Variants in PLA2G4A observed in about 807,000 individuals in gnomAD.
PLA2G4A encodes phospholipase A2 group IVA, also known as cytosolic phospholipase A2.
A neutral mutation model predicts 81.9 loss-of-function variants in PLA2G4A; 40 were observed. That is an observed-to-expected ratio of 0.49 (90% CI 0.38 to 0.64). PLA2G4A has a LOEUF of 0.64. Among genes scored for constraint, PLA2G4A ranks in the 30% least tolerant of loss-of-function variants. PLA2G4A has a pLI of 0.00. For missense variants in PLA2G4A, 715 were observed against 905.1 expected (o/e 0.79, Z 2.69); for synonymous variants, 302 against 296.9 (o/e 1.02, Z -0.18).
chr1:186,984,260 G>A lies in PLA2G4A; in HGVS notation c.2119-4117G>A, dbSNP rs776788510. Among the ~76,000 whole-genome samples the A allele has an allele frequency of 5.3e-5, 8 of 152,216 alleles. No homozygotes were observed. In the South Asian group the frequency reaches 6.2e-4, roughly 12 times the overall value. ...TTGTATATAGTACATGCCTGCCCAC[G>A]TAGTATGGCTGCATACTCTATCTAC... On this transcript the variant is annotated intron_variant, in intron 17 of 17. Transcript: ENST00000367466.
intron 17 of PLA2G4A, among the ~76,000 whole-genome samples, chr1:186,987,072 G>A (rs907312627): frequency 2.0e-5 from 3 of 152,232 alleles, no homozygotes; most frequent in Non-Finnish European, 2.9e-5. Flanking sequence ...ATCTGACTGC[G>A]TTTTTAAAGT....
intron 8 of PLA2G4A, among the ~76,000 whole-genome samples, chr1:186,934,267 T>TG (rs1377498775): frequency 1.3e-5 from 2 of 152,054 alleles, no homozygotes; most frequent in East Asian, 3.9e-4. Flanking sequence ...CTTAAACTCA[T>TG]CTAATAAAGC....
Position 186,871,342 on chromosome 1 carries a change from A to G in PLA2G4A, c.115+826A>G, listed in dbSNP as rs565954506. 5.3e-5 allele frequency among the ~76,000 whole-genome samples: 8 copies of G among 152,318 alleles called. No individual in the cohort carries two copies. In the East Asian group the frequency reaches 1.4e-3, roughly 26 times the overall value. ...CAAATAACAATGGATACAACAAAGT[A>G]TTATGATGATGAATTTGATAACATC... On this transcript the variant is annotated intron_variant, in intron 3 of 17. Coordinates refer to ENST00000367466, the MANE Select transcript of PLA2G4A (RefSeq NM_024420.3).
In PLA2G4A at chr1:186,939,126, G is replaced by A; in HGVS notation, c.814G>A (p.Val272Ile). The change falls in exon 9 of 18, where the codon GTT (valine) becomes ATT (isoleucine). Residue 272 changes from valine (V) to isoleucine (I), a missense_variant. Transcript: ENST00000367466. ...NPLLLLTPQK[V>I]KRYVESLWKK... ...CCTTTTACTTCTCACACCACAGAAA[G>A]TTAAAAGATATGTTGAGTCTTTATG... The A allele has an allele frequency of 1.2e-6, 2 of 1,608,342 alleles. No homozygotes were observed. Among genetic ancestry groups the A allele is most frequent in the Non-Finnish European group, 1.7e-6 (2 of 1,174,968 alleles).
chr1:186,861,787 T>G (rs954363095), intron 2 of PLA2G4A, among the ~76,000 whole-genome samples: 5 of 152,116 alleles, frequency 3.3e-5, no homozygotes, highest in Admixed American at 1.3e-4. Context: ...TTGGCCAGAC[T>G]GTTGGTTCTT....
chr1:186,923,904 C>T (rs1011182905), intron 7 of PLA2G4A, among the ~76,000 whole-genome samples: 1 of 152,210 alleles, frequency 6.6e-6, no homozygotes, highest in Non-Finnish European at 1.5e-5. Flanking sequence ...ATAGACTTGT[C>T]TCCTAATGAT....
Position 186,970,283 on chromosome 1 carries a change from C to T in PLA2G4A, c.1764+4690C>T, listed in dbSNP as rs146440609. On this transcript the variant is annotated intron_variant, in intron 15 of 17. Coordinates refer to ENST00000367466, the MANE Select transcript of PLA2G4A (RefSeq NM_024420.3). Reference sequence around the variant, plus strand: ...TGTTTTTCCTATTGAGTTGTTTGAGCTTCTTATATATTCTGTGTATTAATC... The same window carrying T: ...TGTTTTTCCTATTGAGTTGTTTGAGTTTCTTATATATTCTGTGTATTAATC... 5.4e-4 allele frequency among the ~76,000 whole-genome samples: 82 copies of T among 151,900 alleles called. No individual in the cohort carries two copies. The East Asian group carries it at 0.015, about 27-fold the overall frequency.
intron 7 of PLA2G4A, among the ~76,000 whole-genome samples, chr1:186,922,029 C>T (rs2102180679): frequency 6.6e-6 from 1 of 152,208 alleles, no homozygotes; most frequent in South Asian, 2.1e-4. Context: ...TTTAAGTTTT[C>T]CTGTTGTTAT....
chr1:186,881,547 A>G (rs1465033314), intron 3 of PLA2G4A, among the ~76,000 whole-genome samples: 2 of 152,084 alleles, frequency 1.3e-5, no homozygotes, highest in Non-Finnish European at 2.9e-5. Flanking sequence ...TTCTGGAGGG[A>G]GCAGGGGCTG....
chr1:186,832,508 A>G (rs1300671197), intron 1 of PLA2G4A, among the ~76,000 whole-genome samples: 9 of 152,168 alleles, frequency 5.9e-5, no homozygotes, highest in Non-Finnish European at 1.2e-4. Context: ...TTTATGAGCA[A>G]TATAAAAGAG....
At chr1:186,908,114 A>G (rs1165445488) in intron 6 of PLA2G4A, among the ~76,000 whole-genome samples, 1 of 152,104 alleles carries the variant, frequency 6.6e-6, no homozygotes, top group Non-Finnish European at 1.5e-5. Flanking sequence ...CAATTTATTC[A>G]AAGAAAAATT....
Position 186,852,440 on chromosome 1 carries a change from A to G in PLA2G4A, c.-69-1846A>G, listed in dbSNP as rs141223520. Among the ~76,000 whole-genome samples, 510 of 152,198 alleles carry G rather than the reference A, an allele frequency of 3.4e-3. 2 individuals carry two copies. Among genetic ancestry groups the G allele is most frequent in the African/African-American group, 0.012 (493 of 41,562 alleles). On this transcript the variant is annotated intron_variant, in intron 1 of 17. Transcript: ENST00000367466. Reference sequence around the variant, plus strand: ...TTAGTCTGTTTCATGCTGCTATAACAGAATGTGACCCACTGGGTAATTAAT... The same window carrying G: ...TTAGTCTGTTTCATGCTGCTATAACGGAATGTGACCCACTGGGTAATTAAT...
intron 5 of PLA2G4A, among the ~76,000 whole-genome samples, chr1:186,904,165 C>T (rs1038493968): frequency 3.3e-5 from 5 of 152,048 alleles, no homozygotes; most frequent in African/African-American, 9.7e-5. Context: ...AATTGCTTTC[C>T]GCTGGGGAAT....
chr1:186,988,754 G>A lies in PLA2G4A; in HGVS notation c.*246G>A. On this transcript the variant is annotated 3_prime_UTR_variant, in exon 18 of 18. Transcript: ENST00000367466. ...GTATGAACTTCCTGATACAAATGTAGGGATATATACTGTATTTTTAAACAT... is the reference window on the plus strand; with the variant it reads ...GTATGAACTTCCTGATACAAATGTAAGGATATATACTGTATTTTTAAACAT... The A allele has an allele frequency of 2.6e-6, 1 of 381,450 alleles. No homozygotes were observed. 23.6% of individuals were successfully genotyped at this position (381,450 alleles called of 1,614,324 possible).
chr1:186,863,672 A>G (rs1457227950), intron 2 of PLA2G4A, among the ~76,000 whole-genome samples: 8 of 151,896 alleles, frequency 5.3e-5, no homozygotes, highest in Non-Finnish European at 8.8e-5. Flanking sequence ...GGTAACCACT[A>G]TCTTACTCTC....
chr1:186,874,901 A>G (rs1653412043), intron 3 of PLA2G4A, among the ~76,000 whole-genome samples: 1 of 152,076 alleles, frequency 6.6e-6, no homozygotes. Flanking sequence ...TCTGTTTCTG[A>G]TAACTTCCTG....
chr1:186,864,672 T>TA (rs1553270035), intron 2 of PLA2G4A, among the ~76,000 whole-genome samples: 3 of 150,834 alleles, frequency 2.0e-5, no homozygotes, highest in Admixed American at 2.0e-4. Flanking sequence ...TTATTATTAT[T>TA]TTGTTATTGA....
At chr1:186,962,529 T>C (rs1359705982) in intron 14 of PLA2G4A, among the ~76,000 whole-genome samples, 2 of 149,976 alleles carry the variant, frequency 1.3e-5, no homozygotes, top group African/African-American at 4.9e-5. Flanking sequence ...TTTATTTATT[T>C]ATTTATTTTT....
At chr1:186,882,636 C>G (rs1653778843) in intron 3 of PLA2G4A, among the ~76,000 whole-genome samples, 1 of 151,986 alleles carries the variant, frequency 6.6e-6, no homozygotes, top group African/African-American at 2.4e-5. Context: ...GCCTTTAAGT[C>G]TTTCTCACCA....
Sources: gnomAD v4.1 joint callset for allele counts (sites outside exome capture counted in the v4.1 genomes callset) on GRCh38, gnomAD v4.1.1 for gene constraint, MANE v1.5 for transcripts, NCBI Gene and HGNC (gene_info 2026-07-23, HGNC 2026-07-21) for gene names.